Variants in PARVB observed in about 807,000 individuals in gnomAD.
The protein encoded by PARVB is parvin beta.
PARVB carries 46 observed loss-of-function variants against 47.0 expected under a neutral mutation model. That is an observed-to-expected ratio of 0.98 (90% CI 0.77 to 1.25). The LOEUF is 1.25. PARVB is among the 50% of genes most tolerant of loss of function. The pLI is 0.00. For synonymous variants in PARVB, 196 were observed against 196.3 expected (o/e 1.00, Z 0.01); for missense variants, 473 against 471.6 (o/e 1.00, Z -0.03).
chr22:43,999,871 G>C (rs2050396922), intron 2 of PARVB, among the ~76,000 whole-genome samples: 1 of 150,692 alleles, frequency 6.6e-6, no homozygotes, highest in Non-Finnish European at 1.5e-5. Context: ...GCTGGGTGTG[G>C]TGGCATGCAT....
intron 10 of PARVB, among the ~76,000 whole-genome samples, chr22:44,153,960 G>T (rs2053863750): frequency 6.6e-6 from 1 of 152,182 alleles, no homozygotes; most frequent in African/African-American, 2.4e-5. Flanking sequence ...CGGAATAAAA[G>T]CCTAGAAGTG....
intron 11 of PARVB, among the ~76,000 whole-genome samples, chr22:44,160,981 C>T (rs1009732411): frequency 4.6e-5 from 7 of 152,140 alleles, no homozygotes; most frequent in Admixed American, 2.6e-4. Flanking sequence ...GGGAGAGGCA[C>T]GTGAAAAGAC....
At chr22:44,146,235 C>T (rs1372610000) in intron 8 of PARVB, 1 of 147,832 alleles carries the variant, frequency 6.8e-6, no homozygotes, top group Non-Finnish European at 1.5e-5. Context: ...GACACACGCT[C>T]ACACACGCGC....
Position 44,060,314 on chromosome 22 carries a change from T to TA in PARVB, c.113-33606dup, listed in dbSNP as rs36048779. Among the ~76,000 whole-genome samples, 6 of 151,898 alleles carry TA rather than the reference T, an allele frequency of 4.0e-5. No homozygotes were observed. In the East Asian group the frequency reaches 5.8e-4, roughly 15 times the overall value. ...CTGGGCAACAGAGAGAGACTCTTTC[T>TA]AAAAAAAAGAAAAGAAAAGAATTTC... On this transcript the variant is annotated intron_variant, in intron 1 of 12. Coordinates refer to ENST00000338758, the MANE Select transcript of PARVB (RefSeq NM_013327.5).
intron 2 of PARVB, among the ~76,000 whole-genome samples, chr22:44,002,665 C>T (rs1034671616): frequency 1.3e-5 from 2 of 152,162 alleles, no homozygotes; most frequent in African/African-American, 2.4e-5. Flanking sequence ...CAAGGACTGG[C>T]ATTAAATTCT....
At chr22:44,050,406 C>T (rs545416987) in intron 1 of PARVB, among the ~76,000 whole-genome samples, 130 of 151,706 alleles carry the variant, frequency 8.6e-4, no homozygotes, top group African/African-American at 2.8e-3. Context: ...TGCAATGGCG[C>T]CATCTCAGCT....
chr22:44,122,528 CAGAGAGAGAGAGAGAGAG>C (rs1286346736), intron 4 of PARVB, among the ~76,000 whole-genome samples: 2 of 56,090 alleles, frequency 3.6e-5, no homozygotes, highest in African/African-American at 6.0e-5. Flanking sequence ...GACAGAGAGA[CAGAGAGAGAGAGAGAGAG>C]AGAGAGACAC....
chr22:44,162,477 A>C (rs1017006736), intron 11 of PARVB, among the ~76,000 whole-genome samples: 1 of 151,438 alleles, frequency 6.6e-6, no homozygotes, highest in Non-Finnish European at 1.5e-5. Flanking sequence ...GTGCACCACC[A>C]TGCCCGGCTA....
chr22:44,075,028 G>A (rs960661808), intron 1 of PARVB, among the ~76,000 whole-genome samples: 1 of 152,178 alleles, frequency 6.6e-6, no homozygotes, highest in African/African-American at 2.4e-5. Context: ...CGGCATCCCT[G>A]GCCTCTACAC....
At position 44,045,478 on chromosome 22, in the gene PARVB, A is replaced by C. The variant is rs115313329; in HGVS notation, c.112+21027A>C. Among the ~76,000 whole-genome samples the C allele has an allele frequency of 8.9e-3, 1,352 of 152,238 alleles. 16 individuals carry two copies. The highest frequency in any genetic ancestry group is 0.026 in the African/African-American group (1,090 of 41,546). ...CTGGGGTTTCAACTCCTGTTTGCTC[A>C]TTCAGTTATTCATTGATCACCCTGT... On this transcript the variant is annotated intron_variant, in intron 1 of 12. Transcript: ENST00000338758.
intron 1 of PARVB, among the ~76,000 whole-genome samples, chr22:44,054,530 G>A (rs547224982): frequency 1.3e-5 from 2 of 152,114 alleles, no homozygotes; most frequent in East Asian, 3.9e-4. Flanking sequence ...AACTCATAGA[G>A]AGAGGAAGTG....
intron 1 of PARVB, among the ~76,000 whole-genome samples, chr22:44,071,873 A>G (rs1447321430): frequency 6.6e-6 from 1 of 152,204 alleles, no homozygotes; most frequent in Non-Finnish European, 1.5e-5. Flanking sequence ...ATTGCTGAGA[A>G]CCCCTGTAGG....
chr22:44,133,418 C>T (rs763783930), intron 6 of PARVB, among the ~76,000 whole-genome samples: 80 of 152,238 alleles, frequency 5.3e-4, no homozygotes, highest in Admixed American at 1.3e-3. Context: ...GCCCCATCAT[C>T]TCTTTTTTTG....
chr22:44,021,756 GACTCACAC>G (rs1364871241), upstream of PARVB, among the ~76,000 whole-genome samples: 904 of 105,080 alleles, frequency 8.6e-3, 24 homozygotes, highest in East Asian at 0.049. Flanking sequence ...GTAAAGTCTA[GACTCACAC>G]ACACACACAC....
intron 1 of PARVB, among the ~76,000 whole-genome samples, chr22:44,052,797 G>C (rs2051235134): frequency 6.6e-6 from 1 of 152,178 alleles, no homozygotes; most frequent in African/African-American, 2.4e-5. Context: ...ACAAAAATTA[G>C]TTGGGTGTGT....
At position 44,099,777 on chromosome 22, in the gene PARVB, C is replaced by T. The variant is rs529500596; in HGVS notation, c.203-276C>T. ...TGAATGCTGCTCTCTCCTTATTTCT[C>T]CTGAAAAATGGAAATGGTTTGGACC... is the stretch of plus-strand genomic sequence containing the variant. On this transcript the variant is annotated intron_variant, in intron 2 of 12. Coordinates refer to ENST00000338758, the MANE Select transcript of PARVB (RefSeq NM_013327.5). Among the ~76,000 whole-genome samples, 58 of 152,280 alleles carry T rather than the reference C, an allele frequency of 3.8e-4. No individual in the cohort carries two copies. The South Asian group carries it at 0.012, about 32-fold the overall frequency.
At chr22:44,161,437 C>T (rs1370502446) in intron 11 of PARVB, among the ~76,000 whole-genome samples, 1 of 151,942 alleles carries the variant, frequency 6.6e-6, no homozygotes, top group African/African-American at 2.4e-5. Flanking sequence ...CCTCAGCCTC[C>T]TTAGTAGCTG....
intron 1 of PARVB, among the ~76,000 whole-genome samples, chr22:44,027,564 C>T (rs777740896): frequency 1.6e-4 from 24 of 152,214 alleles, no homozygotes; most frequent in Admixed American, 1.2e-3. Context: ...TTCTGAGCAA[C>T]ACATTCAGGA....
In PARVB at chr22:44,041,833, C is replaced by T. The variant is rs144778391; in HGVS notation, c.112+17382C>T. Among the ~76,000 whole-genome samples, 1,022 of 152,110 alleles carry T rather than the reference C, an allele frequency of 6.7e-3. 9 individuals are homozygous for T. The highest frequency in any genetic ancestry group is 0.024 in the African/African-American group (985 of 41,486). Reference sequence around the variant, plus strand: ...ATGGAAGGCTGAGGCTGCAGTGAGTCGAGATTGCACCACTACATTCCAGCC... The same window carrying T: ...ATGGAAGGCTGAGGCTGCAGTGAGTTGAGATTGCACCACTACATTCCAGCC... On this transcript the variant is annotated intron_variant, in intron 1 of 12. Transcript: ENST00000338758.
Sources: gnomAD v4.1 joint callset for allele counts (sites outside exome capture counted in the v4.1 genomes callset) on GRCh38, gnomAD v4.1.1 for gene constraint, MANE v1.5 for transcripts, NCBI Gene and HGNC (gene_info 2026-07-23, HGNC 2026-07-21) for gene names.